The following EBF4 variants were observed in gnomAD, a reference collection of about 807,000 sequenced individuals.
The protein encoded by EBF4 is transcription factor COE4.
A neutral mutation model predicts 67.1 loss-of-function variants in EBF4; 34 were observed. The ratio of observed to expected loss-of-function variants is 0.51; its 90% confidence interval spans 0.39 to 0.67. EBF4 has a LOEUF of 0.67. Among genes scored for constraint, EBF4 ranks in the 30% least tolerant of loss-of-function variants. The pLI is 0.00. For synonymous variants in EBF4, 387 were observed against 377.7 expected, an observed-to-expected ratio of 1.02 and a Z score of -0.29; for missense variants, 837 against 873.3, an observed-to-expected ratio of 0.96 and a Z score of 0.52.
intron 5 of EBF4, among the ~76,000 whole-genome samples, chr20:2,708,823 G>A (rs1176484459): frequency 2.6e-5 from 4 of 152,238 alleles, no homozygotes; most frequent in East Asian, 1.9e-4. Context: ...AGGCATGACC[G>A]GCATCTGGGC....
chr20:2,739,293 C>CT lies in EBF4; in HGVS notation c.558-9255dup, dbSNP rs2087934949. Among the ~76,000 whole-genome samples, 8 of 152,154 alleles carry CT rather than the reference C, an allele frequency of 5.3e-5. 1 individual carries two copies. The South Asian group carries it at 1.7e-3, about 32-fold the overall frequency. On this transcript the variant is annotated intron_variant, in intron 6 of 16. Coordinates refer to ENST00000609451, the Ensembl canonical transcript of EBF4. This position sits in a 1 kb window ranked among gnomAD's most constrained non-coding sequence, Gnocchi z 4.5. ...CCCTCCTCAGTCTTGTCAGGCACCA[C>CT]TGATCGAGTGAGCCGTCTGCCCCGT...
At chr20:2,693,298 G>A (rs992331659), upstream of EBF4, 8 of 191,658 alleles carry the variant, frequency 4.2e-5, no homozygotes, top group African/African-American at 4.7e-5. The surrounding 1 kb of genome is among the most constrained non-coding windows in gnomAD (Gnocchi z 4.6). Context: ...CCGCGGCCCC[G>A]GGCAGCCGCC....
chr20:2,755,607 C>A lies in EBF4; in HGVS notation c.1541-20C>A. 8.3e-7 allele frequency: 1 copy of A among 1,209,616 alleles called. No homozygotes were observed. The highest frequency in any genetic ancestry group is 1.2e-6 in the Non-Finnish European group (1 of 841,278). The allele number at this position is 1,209,616 out of a possible 1,614,324, so 74.9% of individuals were successfully genotyped here. On this transcript the variant is annotated intron_variant, in intron 14 of 16. Transcript: ENST00000609451. The surrounding 1 kb of genome is among the most constrained non-coding windows in gnomAD (Gnocchi z 4.7). ...ACCACCTTCCCTGCTGCGCCTGCCC[C>A]TCCCCGCCCCGCCCCGGAGTCATGC...
intron 5 of EBF4, among the ~76,000 whole-genome samples, chr20:2,708,902 T>G (rs140931585): frequency 6.6e-6 from 1 of 152,144 alleles, no homozygotes; most frequent in African/African-American, 2.4e-5. Flanking sequence ...TGGCCATCCA[T>G]TGGCCAGGCA....
Position 2,755,605 on chromosome 20 carries a change from C to A in EBF4, c.1541-22C>A. 4 of 1,115,318 alleles carry A rather than the reference C, an allele frequency of 3.6e-6. No individual in the cohort carries two copies. The highest frequency in any genetic ancestry group is 5.3e-6 in the Non-Finnish European group (4 of 754,944). 69.1% of individuals were successfully genotyped at this position (1,115,318 alleles called of 1,614,324 possible). ...CCACCACCTTCCCTGCTGCGCCTGC[C>A]CCTCCCCGCCCCGCCCCGGAGTCAT... On this transcript the variant is annotated intron_variant, in intron 14 of 16. Coordinates refer to ENST00000609451, the Ensembl canonical transcript of EBF4. The surrounding 1 kb of genome is among the most constrained non-coding windows in gnomAD (Gnocchi z 4.7).
Position 2,739,264 on chromosome 20 carries a change from G to A in EBF4, c.558-9285G>A, listed in dbSNP as rs1051541395. ...GTCCCAACCCCAGGCCCCAAGCCACGCTGCCCTCCTCAGTCTTGTCAGGCA... is the reference window on the plus strand; with the variant it reads ...GTCCCAACCCCAGGCCCCAAGCCACACTGCCCTCCTCAGTCTTGTCAGGCA... On this transcript the variant is annotated intron_variant, in intron 6 of 16. Coordinates refer to ENST00000609451, the Ensembl canonical transcript of EBF4. This position sits in a 1 kb window ranked among gnomAD's most constrained non-coding sequence, Gnocchi z 4.5. Among the ~76,000 whole-genome samples, 3 of 152,010 alleles carry A rather than the reference G, an allele frequency of 2.0e-5. No homozygotes were observed. The highest frequency in any genetic ancestry group is 2.9e-5 in the Non-Finnish European group (2 of 67,984).
rs370647224 is a variant in EBF4 at position 2,757,064 on chromosome 20, C to T, written c.1738+1240C>T. Among the ~76,000 whole-genome samples the T allele has an allele frequency of 2.6e-5, 4 of 152,268 alleles. No individual in the cohort carries two copies. In the East Asian group the frequency reaches 7.7e-4, roughly 29 times the overall value. On this transcript the variant is annotated intron_variant, in intron 15 of 16. Transcript: ENST00000609451. ...GGGATGCCTATCACAAGAGCAAGGC[C>T]AGTGGCTTGGGCCCCAGAACCATCT...
downstream of EBF4, chr20:2,759,703 C>G (rs1368449065): frequency 6.6e-6 from 1 of 152,312 alleles, no homozygotes; most frequent in Non-Finnish European, 1.5e-5. Context: ...TCAACTGGCC[C>G]AGCATCCCAA....
chr20:2,723,571 C>A (rs193051617), intron 6 of EBF4, among the ~76,000 whole-genome samples: 3 of 152,006 alleles, frequency 2.0e-5, no homozygotes, highest in Admixed American at 2.0e-4. Context: ...GGATGGTCTC[C>A]ATCTCCTGAC....
chr20:2,698,723 G>C (rs2087332487), intron 1 of EBF4, among the ~76,000 whole-genome samples: 5 of 152,142 alleles, frequency 3.3e-5, no homozygotes, highest in South Asian at 2.1e-4. Context: ...TGTCAACAAA[G>C]AGCCTCCCCC....
intron 1 of EBF4, among the ~76,000 whole-genome samples, chr20:2,700,374 C>A (rs1346502495): frequency 6.6e-6 from 1 of 152,084 alleles, no homozygotes; most frequent in South Asian, 2.1e-4. Context: ...GGCTCTATTC[C>A]CCCTTCTCTC....
chr20:2,694,806 C>A (rs1366014737), intron 1 of EBF4, among the ~76,000 whole-genome samples: 1 of 152,134 alleles, frequency 6.6e-6, no homozygotes, highest in African/African-American at 2.4e-5. Flanking sequence ...ACACACACCG[C>A]GCTTCATGTG....
chr20:2,695,760 C>G (rs1440612342), intron 1 of EBF4, among the ~76,000 whole-genome samples: 1 of 152,208 alleles, frequency 6.6e-6, no homozygotes, highest in East Asian at 1.9e-4. Flanking sequence ...GAAAATTCCT[C>G]CCCCTGGCCC....
rs901420914 is a variant in EBF4, at chr20:2,739,733, C to T, written c.558-8816C>T. Among the ~76,000 whole-genome samples, 2 of 152,210 alleles carry T rather than the reference C, an allele frequency of 1.3e-5. No individual in the cohort carries two copies. The highest frequency in any genetic ancestry group is 2.9e-5 in the Non-Finnish European group (2 of 68,036). On this transcript the variant is annotated intron_variant, in intron 6 of 16. Coordinates refer to ENST00000609451, the Ensembl canonical transcript of EBF4. This position sits in a 1 kb window ranked among gnomAD's most constrained non-coding sequence, Gnocchi z 4.5. ...GAAACTGCTTCAGTTTCTTCGGAGG[C>T]TCATGGGAGCCCAAGACAAATCTTT...
chr20:2,755,769 C>G lies in EBF4; in HGVS notation c.1683C>G (p.Arg561=). 6.5e-7 allele frequency: 1 copy of G among 1,550,250 alleles called. No homozygotes were observed. The highest frequency in any genetic ancestry group is 8.7e-7 in the Non-Finnish European group (1 of 1,146,910). Residue 561 remains arginine, a synonymous_variant, in exon 15 of 17, where the codon CGC becomes CGG. Coordinates refer to ENST00000609451, the Ensembl canonical transcript of EBF4. This position sits in a 1 kb window ranked among gnomAD's most constrained non-coding sequence, Gnocchi z 4.7. ...GGAGCGCCTTCGCCCCCGTGCTGCGCCCCCCAAGCTCCCCACCCCAGGCCT... is the reference window on the plus strand; with the variant it reads ...GGAGCGCCTTCGCCCCCGTGCTGCGGCCCCCAAGCTCCCCACCCCAGGCCT...
intron 6 of EBF4, among the ~76,000 whole-genome samples, chr20:2,730,400 A>G (rs1223456750): frequency 6.6e-6 from 1 of 152,138 alleles, no homozygotes; most frequent in Non-Finnish European, 1.5e-5. Context: ...TATTGTTATA[A>G]GGACTTCATC....
chr20:2,698,524 G>T (rs2087328838), intron 1 of EBF4, among the ~76,000 whole-genome samples: 1 of 152,166 alleles, frequency 6.6e-6, no homozygotes, highest in African/African-American at 2.4e-5. Flanking sequence ...TCCAGAGGGT[G>T]CCTGCAGGGG....
At chr20:2,702,936 C>T (rs958793242) in intron 1 of EBF4, among the ~76,000 whole-genome samples, 2 of 152,064 alleles carry the variant, frequency 1.3e-5, no homozygotes, top group East Asian at 1.9e-4. Context: ...GTCATGTTTC[C>T]GAAACCATGA....
chr20:2,710,552 A>T (rs2087528701), intron 6 of EBF4, among the ~76,000 whole-genome samples: 1 of 141,330 alleles, frequency 7.1e-6, no homozygotes, highest in Non-Finnish European at 1.5e-5. Flanking sequence ...TATGTAGAGC[A>T]TACTGTACAT....
Sources: gnomAD v4.1 joint callset for allele counts (sites outside exome capture counted in the v4.1 genomes callset) on GRCh38, gnomAD v4.1.1 for gene constraint, Gnocchi (gnomAD v3.1) non-coding constraint, MANE v1.5 for transcripts, NCBI Gene and HGNC (gene_info 2026-07-23, HGNC 2026-07-21) for gene names.